ACACB: variants seen among roughly 807,000 people sequenced by gnomAD.
ACACB encodes acetyl-CoA carboxylase 2.
A neutral mutation model predicts 278.8 loss-of-function variants in ACACB; 209 were observed. That is an observed-to-expected ratio of 0.75 (90% CI 0.67 to 0.84). ACACB has a LOEUF of 0.84. Among genes scored for constraint, ACACB ranks in the 40% least tolerant of loss-of-function variants. ACACB has a pLI of 0.00. For missense variants in ACACB, 2,850 were observed against 3,269.0 expected, an observed-to-expected ratio of 0.87 and a Z score of 3.13; for synonymous variants, 1,174 against 1,285.6, an observed-to-expected ratio of 0.91 and a Z score of 1.86.
intron 11 of ACACB, among the ~76,000 whole-genome samples, chr12:109,184,768 G>A (rs2044596282): frequency 6.7e-6 from 1 of 150,150 alleles, no homozygotes; most frequent in Non-Finnish European, 1.5e-5. Context: ...ATGCAGTGGT[G>A]CAATCACGAC....
chr12:109,247,975 C>T lies in ACACB; in HGVS notation c.5669+272C>T, dbSNP rs773382497. Among the ~76,000 whole-genome samples, 7 of 152,236 alleles carry T rather than the reference C, an allele frequency of 4.6e-5. No individual in the cohort carries two copies. The East Asian group carries it at 5.8e-4, about 13-fold the overall frequency. ...GGATTCTCGTGAATCTCCTAGGAGC[C>T]GCAGGCTCACATTTTGTGACCAAAC... On this transcript the variant is annotated intron_variant, in intron 40 of 52. Transcript: ENST00000338432.
intron 2 of ACACB, among the ~76,000 whole-genome samples, chr12:109,146,151 C>G (rs1371361184): frequency 6.6e-6 from 1 of 152,200 alleles, no homozygotes; most frequent in Admixed American, 6.5e-5. Flanking sequence ...CAGACAGGAT[C>G]CAACCCTTGC....
Position 109,187,986 on chromosome 12 carries a change from G to C in ACACB, c.1981-13G>C, listed in dbSNP as rs755937311. On this transcript the variant is annotated splice_polypyrimidine_tract_variant and intron_variant, in intron 12 of 52. Coordinates refer to ENST00000338432, the MANE Select transcript of ACACB (RefSeq NM_001093.4). Reference sequence around the variant, plus strand: ...TGATTTCTTCCATTTTGCATTTTCTGTCCGGACTCCAGGGTTTTAAGCCGA... The same window carrying C: ...TGATTTCTTCCATTTTGCATTTTCTCTCCGGACTCCAGGGTTTTAAGCCGA... 3.8e-6 allele frequency: 6 copies of C among 1,581,408 alleles called. No homozygotes were observed. The highest frequency in any genetic ancestry group is 1.7e-6 in the Non-Finnish European group (2 of 1,155,692).
intron 13 of ACACB, among the ~76,000 whole-genome samples, chr12:109,188,972 T>C (rs2268400): frequency 0.79 from 120,577 of 152,046 alleles, 47,960 homozygotes; most frequent in Middle Eastern, 0.87. Context: ...CACCCACCAC[T>C]CTGAGGCCTG....
intron 1 of ACACB, among the ~76,000 whole-genome samples, chr12:109,128,433 G>T (rs1187572132): frequency 6.6e-6 from 1 of 152,104 alleles, no homozygotes; most frequent in Admixed American, 6.6e-5. Flanking sequence ...CGCCTCCTGG[G>T]TTCAAGTGAT....
intron 28 of ACACB, among the ~76,000 whole-genome samples, chr12:109,229,393 A>G (rs1593642311): frequency 6.6e-6 from 1 of 151,876 alleles, no homozygotes; most frequent in South Asian, 2.1e-4. Context: ...CCACACTCTC[A>G]CCTCCAAGTC....
rs34959945 is a variant in ACACB, at chr12:109,147,391, C to CT, written c.653+7357dup. On this transcript the variant is annotated intron_variant, in intron 2 of 52. Transcript: ENST00000338432. ...AGGCATGCATCACCATGTCTGGCTA[C>CT]TTTTTTTTTTTTTTTTTTTTTTTTA... Among the ~76,000 whole-genome samples, 804 of 116,206 alleles carry CT rather than the reference C, an allele frequency of 6.9e-3. 5 individuals carry two copies. The highest frequency in any genetic ancestry group is 0.015 in the African/African-American group (477 of 32,014). The allele number at this position is 116,206 out of a possible 152,430, so 76.2% of individuals were successfully genotyped here. A position where few individuals can be genotyped will look rare whatever the true frequency, so the allele number is the denominator to read the frequency against.
chr12:109,240,010 C>T (rs775075701), intron 35 of ACACB, 25 bp downstream of exon 35: 9 of 1,607,906 alleles, frequency 5.6e-6, no homozygotes, highest in Non-Finnish European at 2.5e-6. Flanking sequence ...GGGGGGCTCT[C>T]ACCGGGCTCT....
intron 25 of ACACB, 60 bp downstream of exon 25, chr12:109,222,680 C>A: frequency 6.5e-7 from 1 of 1,539,524 alleles, no homozygotes; most frequent in South Asian, 1.1e-5. Context: ...CTATGTGTCC[C>A]CTACCGTGCT....
intron 27 of ACACB, among the ~76,000 whole-genome samples, chr12:109,227,062 C>T (rs75425901): frequency 0.054 from 8,283 of 152,068 alleles, 247 homozygotes; most frequent in Non-Finnish European, 0.073. Flanking sequence ...GCAATCCTCC[C>T]ACCTCAGCCT....
chr12:109,137,899 C>CT (rs199706198), intron 1 of ACACB, among the ~76,000 whole-genome samples: 38,684 of 145,226 alleles, frequency 0.27, 5,449 homozygotes, highest in South Asian at 0.36. Flanking sequence ...TTTTCTTTTT[C>CT]TTTTTTTTTT....
At chr12:109,166,128 T>G (rs1281049263) in intron 2 of ACACB, among the ~76,000 whole-genome samples, 1 of 152,016 alleles carries the variant, frequency 6.6e-6, no homozygotes, top group African/African-American at 2.4e-5. Context: ...AAAGAAAACT[T>G]AAAAACTTCT....
chr12:109,216,735 G>A, intron 23 of ACACB, 29 bp downstream of exon 23: 1 of 1,614,152 alleles, frequency 6.2e-7, no homozygotes, highest in Non-Finnish European at 8.5e-7. Context: ...AACACCAGTG[G>A]GATGGTGGGG....
intron 36 of ACACB, chr12:109,241,867 G>C (rs761057949): frequency 1.9e-5 from 3 of 156,814 alleles, no homozygotes; most frequent in South Asian, 1.9e-4. Context: ...GCCTAGACTG[G>C]GCCTGAACTC....
chr12:109,139,895 A>G lies in ACACB; in HGVS notation c.490A>G (p.Asn164Asp). 6.2e-7 allele frequency: 1 copy of G among 1,614,138 alleles called. No individual in the cohort carries two copies. Among genetic ancestry groups the G allele is most frequent in the Non-Finnish European group, 8.5e-7 (1 of 1,180,008 alleles). The change falls in exon 2 of 53, where the codon AAC (asparagine) becomes GAC (aspartate). Residue 164 changes from asparagine to aspartate, a missense_variant. Transcript: ENST00000338432. ...AAACATCAAGAGGCAGCTGATGACC[A>G]ACTTCATCCTGGGCTCTTTTGATGA... is the stretch of plus-strand genomic sequence containing the variant. ...QANIKRQLMT[N>D]FILGSFDDYS...
chr12:109,209,412 G>A (rs1286003500), intron 21 of ACACB, 59 bp downstream of exon 21: 17 of 1,518,810 alleles, frequency 1.1e-5, no homozygotes, highest in African/African-American at 2.7e-5. Context: ...GCCGGCTCCC[G>A]GTCTGGCTCG....
At position 109,267,407 on chromosome 12, in the gene ACACB, A is replaced by C. The variant is rs2047542728; in HGVS notation, c.*1045A>C. On this transcript the variant is annotated 3_prime_UTR_variant, in exon 53 of 53. Transcript: ENST00000338432. ...GTCCTCTGCCCACCTCTTCTCTCCA[A>C]GGAAAATGAGGACTGCCCCTTCCCC... The C allele has an allele frequency of 6.6e-6, 1 of 152,296 alleles. No individual in the cohort carries two copies. Among genetic ancestry groups the C allele is most frequent in the Non-Finnish European group, 1.5e-5 (1 of 68,108 alleles). The allele number at this position is 152,296 out of a possible 1,614,324, so 9.4% of individuals were successfully genotyped here. A position where few individuals can be genotyped will look rare whatever the true frequency, so the allele number is the denominator to read the frequency against.
chr12:109,219,672 T>C (rs2046105623), intron 24 of ACACB, among the ~76,000 whole-genome samples: 1 of 152,194 alleles, frequency 6.6e-6, no homozygotes, highest in African/African-American at 2.4e-5. Context: ...AGAGTGTGTA[T>C]GTGTATGCGC....
intron 16 of ACACB, among the ~76,000 whole-genome samples, chr12:109,194,512 A>ATGTGTG (rs370227666): frequency 0.013 from 1,132 of 88,638 alleles, 11 homozygotes; most frequent in Middle Eastern, 0.023. Context: ...CTGTGTGTGC[A>ATGTGTG]TGTGTGTGTG....
Sources: allele counts gnomAD v4.1 joint callset (sites outside exome capture counted in the v4.1 genomes callset), GRCh38; gene constraint gnomAD v4.1.1; transcripts MANE v1.5; gene names NCBI Gene and HGNC (gene_info 2026-07-23, HGNC 2026-07-21).